Variants in C18orf63 observed in about 807,000 individuals in gnomAD.
C18orf63 encodes uncharacterized protein C18orf63.
In C18orf63, 50 loss-of-function variants were observed where a neutral mutation model predicts 75.3. The observed-to-expected ratio is 0.66, with a 90% CI of 0.53 to 0.84. The LOEUF (loss-of-function observed/expected upper bound fraction) is 0.84. Among genes scored for constraint, C18orf63 ranks in the 40% least tolerant of loss-of-function variants. The pLI is 0.00. For synonymous variants in C18orf63, 232 were observed against 267.6 expected (o/e 0.87, Z 1.30); for missense variants, 732 against 800.2 (o/e 0.91, Z 1.03).
At chr18:74,316,690 T>C (rs1984031737) in intron 1 of C18orf63, among the ~76,000 whole-genome samples, 1 of 152,188 alleles carries the variant, frequency 6.6e-6, no homozygotes, top group Non-Finnish European at 1.5e-5. Context: ...AGCGACTCCC[T>C]GGACAGGATG....
intron 7 of C18orf63, among the ~76,000 whole-genome samples, chr18:74,332,690 C>T (rs1984329641): frequency 6.9e-6 from 1 of 145,252 alleles, no homozygotes; most frequent in Admixed American, 7.0e-5. Flanking sequence ...GTCTGGGCTA[C>T]AGAAGAGCAA....
chr18:74,343,776 T>C, intron 11 of C18orf63, 74 bp downstream of exon 11: 1 of 1,008,372 alleles, frequency 9.9e-7, no homozygotes, highest in South Asian at 2.2e-5. Flanking sequence ...TCTTGTCTTC[T>C]GGGGTGGAAC....
chr18:74,347,590 T>G (rs538261939), intron 11 of C18orf63, among the ~76,000 whole-genome samples: 1 of 152,222 alleles, frequency 6.6e-6, no homozygotes, highest in African/African-American at 2.4e-5. Flanking sequence ...TTCAGAGGGG[T>G]TTTTAGGACT....
intron 11 of C18orf63, among the ~76,000 whole-genome samples, chr18:74,347,874 C>T (rs978339834): frequency 6.6e-6 from 1 of 152,076 alleles, no homozygotes; most frequent in African/African-American, 2.4e-5. Context: ...CATCTAGTTT[C>T]CCCTTGACAT....
At chr18:74,340,304 G>A (rs758591935) in intron 8 of C18orf63, among the ~76,000 whole-genome samples, 1 of 152,108 alleles carries the variant, frequency 6.6e-6, no homozygotes, top group Non-Finnish European at 1.5e-5. Context: ...GTCACAATGA[G>A]CGATCACCTC....
intron 11 of C18orf63, among the ~76,000 whole-genome samples, chr18:74,344,440 T>G (rs73468660): frequency 0.011 from 1,673 of 152,102 alleles, 31 homozygotes; most frequent in South Asian, 0.033. Context: ...ACTGTATAGC[T>G]TAATGAATAT....
intron 8 of C18orf63, among the ~76,000 whole-genome samples, chr18:74,341,641 C>G (rs1386390697): frequency 1.3e-5 from 2 of 151,988 alleles, no homozygotes; most frequent in Non-Finnish European, 2.9e-5. Context: ...GAGCTGAGAT[C>G]GCACCACTGC....
chr18:74,335,291 T>G (rs8098193), intron 7 of C18orf63, among the ~76,000 whole-genome samples: 80,038 of 151,824 alleles, frequency 0.53, 21,812 homozygotes, highest in Non-Finnish European at 0.61. Flanking sequence ...GGCTAGAGAT[T>G]GGAGTAGTTT....
At chr18:74,342,513 T>C (rs1984505887) in intron 10 of C18orf63, among the ~76,000 whole-genome samples, 187 bp downstream of exon 10, 1 of 152,212 alleles carries the variant, frequency 6.6e-6, no homozygotes, top group Non-Finnish European at 1.5e-5. Flanking sequence ...CTATTTTTAT[T>C]TGAGGATGAG....
In C18orf63 at chr18:74,327,992, C is replaced by G; in HGVS notation, c.316C>G (p.Leu106Val). ...AATTCCTGTAATTCTTCAGAACTGC[C>G]TGTCATATTCATTCATGGCTAGACT... is the stretch of plus-strand genomic sequence containing the variant. Reference protein sequence around the residue: ...RVIPVILQNCLSYSFMARLAP... With the variant: ...RVIPVILQNCVSYSFMARLAP... Residue 106 changes from leucine (L) to valine (V), a missense_variant, in exon 5 of 14, where the codon CTG becomes GTG. This residue lies in a region of C18orf63 where 233 missense variants were observed against 272.7 expected (regional missense o/e 0.85). Transcript: ENST00000579455. The G allele has an allele frequency of 6.5e-7, 1 of 1,535,692 alleles. No individual in the cohort carries two copies. The highest frequency in any genetic ancestry group is 1.2e-5 in the South Asian group (1 of 84,040).
At chr18:74,326,586 C>T (rs1380737075) in intron 4 of C18orf63, among the ~76,000 whole-genome samples, 2 of 152,330 alleles carry the variant, frequency 1.3e-5, no homozygotes, top group Non-Finnish European at 2.9e-5. Flanking sequence ...AGACTACTGG[C>T]CTGTTCCTAG....
At chr18:74,352,566 A>T (rs765681482) in intron 11 of C18orf63, among the ~76,000 whole-genome samples, 3 of 152,200 alleles carry the variant, frequency 2.0e-5, no homozygotes, top group Non-Finnish European at 4.4e-5. Flanking sequence ...AGTAAACATG[A>T]TTAAGACACA....
chr18:74,325,693 C>T lies in C18orf63; in HGVS notation c.271-2254C>T, dbSNP rs139363557. Among the ~76,000 whole-genome samples the T allele has an allele frequency of 5.9e-5, 9 of 152,286 alleles. No individual in the cohort carries two copies. The East Asian group carries it at 1.7e-3, about 29-fold the overall frequency. ...TCTATTCATAGCCCTTAGGCAATTGCTGCAAACTTTCCAAAATGAGGCTGC... is the reference window on the plus strand; with the variant it reads ...TCTATTCATAGCCCTTAGGCAATTGTTGCAAACTTTCCAAAATGAGGCTGC... On this transcript the variant is annotated intron_variant, in intron 4 of 13. Transcript: ENST00000579455.
intron 10 of C18orf63, 122 bp downstream of exon 10, chr18:74,342,448 A>G: frequency 3.2e-6 from 2 of 618,072 alleles, no homozygotes; most frequent in East Asian, 2.8e-5. Context: ...ACTATGGTAC[A>G]TTTCCTCCTA....
At chr18:74,355,605 G>A (rs530631132) in intron 13 of C18orf63, among the ~76,000 whole-genome samples, 27 of 151,922 alleles carry the variant, frequency 1.8e-4, no homozygotes, top group Non-Finnish European at 3.7e-4. Context: ...ACATGGGTGA[G>A]ACCCTGTCTC....
In C18orf63 at chr18:74,358,456, T is replaced by C. The variant is rs1323163825; in HGVS notation, c.*2009T>C. On this transcript the variant is annotated 3_prime_UTR_variant, in exon 14 of 14. Transcript: ENST00000579455. ...AAGAAGAGGTTCTAGATCAAATTTC[T>C]GTGTTCAGAATCACCAGAGAAATCA... 2.0e-5 allele frequency: 3 copies of C among 152,234 alleles called. No homozygotes were observed. Among genetic ancestry groups the C allele is most frequent in the African/African-American group, 7.2e-5 (3 of 41,454 alleles). The allele number at this position is 152,234 out of a possible 1,614,324, so 9.4% of individuals were successfully genotyped here.
intron 8 of C18orf63, among the ~76,000 whole-genome samples, chr18:74,340,973 AT>A (rs1380836240): frequency 6.6e-6 from 1 of 152,132 alleles, no homozygotes; most frequent in Non-Finnish European, 1.5e-5. Context: ...ATAAAAATGT[AT>A]TAGGTTGGGG....
rs1409449531 is a variant in C18orf63 at position 74,358,399 on chromosome 18, A to G, written c.*1952A>G. ...TATGTGAGATTTAATATAGATAGGTATATAGATTGTTGATTTCATATTTCA... is the reference window on the plus strand; with the variant it reads ...TATGTGAGATTTAATATAGATAGGTGTATAGATTGTTGATTTCATATTTCA... On this transcript the variant is annotated 3_prime_UTR_variant, in exon 14 of 14. Coordinates refer to ENST00000579455, the MANE Select transcript of C18orf63 (RefSeq NM_001174123.2). The G allele has an allele frequency of 1.3e-5, 2 of 152,184 alleles. No individual in the cohort carries two copies. Among genetic ancestry groups the G allele is most frequent in the Non-Finnish European group, 2.9e-5 (2 of 68,016 alleles). 9.4% of individuals were successfully genotyped at this position (152,184 alleles called of 1,614,324 possible). A position where few individuals can be genotyped will look rare whatever the true frequency, so the allele number is the denominator to read the frequency against.
At chr18:74,351,603 G>A (rs753935024) in intron 11 of C18orf63, among the ~76,000 whole-genome samples, 1 of 152,196 alleles carries the variant, frequency 6.6e-6, no homozygotes, top group Non-Finnish European at 1.5e-5. Flanking sequence ...CACACAGCAT[G>A]AGAGATGCCA....
Sources: allele counts gnomAD v4.1 joint callset (sites outside exome capture counted in the v4.1 genomes callset), GRCh38; gene constraint gnomAD v4.1.1; regional missense constraint gnomAD v4.1.1; transcripts MANE v1.5; gene names NCBI Gene and HGNC (gene_info 2026-07-23, HGNC 2026-07-21).